The following OPCML variants were observed in gnomAD, a reference collection of about 807,000 sequenced individuals.
OPCML encodes opioid-binding protein/cell adhesion molecule.
OPCML carries 13 observed loss-of-function variants against 37.8 expected under a neutral mutation model. The observed-to-expected ratio is 0.34, with a 90% CI of 0.22 to 0.55. The LOEUF is 0.55. Ranked by LOEUF, OPCML falls within the 20% of genes least tolerant of loss-of-function variation. The pLI is 0.91. For missense variants in OPCML, 341 were observed against 435.6 expected (o/e 0.78, Z 1.93); for synonymous variants, 176 against 168.8 (o/e 1.04, Z -0.33).
intron 3 of OPCML, among the ~76,000 whole-genome samples, chr11:132,536,211 C>G (rs1452486283): frequency 6.6e-6 from 1 of 152,198 alleles, no homozygotes; most frequent in African/African-American, 2.4e-5. Flanking sequence ...CAAGGGCAGC[C>G]TTTCCCTCCA....
At position 132,840,420 on chromosome 11, in the gene OPCML, C is replaced by T. The variant is rs1941237515; in HGVS notation, c.146+102506G>A. On this transcript the variant is annotated intron_variant, in intron 2 of 7. Coordinates refer to ENST00000524381, the MANE Select transcript of OPCML (RefSeq NM_001012393.5). Reference sequence around the variant, plus strand: ...TGAGGTGGAAGGCGCTGGGCCCAGGCTTGCCAGTTCCCACTGGGCCCGTTT... The same window carrying T: ...TGAGGTGGAAGGCGCTGGGCCCAGGTTTGCCAGTTCCCACTGGGCCCGTTT... Among the ~76,000 whole-genome samples the T allele has an allele frequency of 2.0e-5, 3 of 152,288 alleles. No individual in the cohort carries two copies. In the South Asian group the frequency reaches 6.2e-4, roughly 32 times the overall value.
intron 1 of OPCML, among the ~76,000 whole-genome samples, chr11:133,145,038 T>A (rs1949878574): frequency 6.6e-6 from 1 of 152,172 alleles, no homozygotes; most frequent in Admixed American, 6.5e-5. Flanking sequence ...AGTCTTCAGG[T>A]GGCATGTGGG....
chr11:132,785,762 T>A (rs954137855), intron 2 of OPCML, among the ~76,000 whole-genome samples: 1 of 152,162 alleles, frequency 6.6e-6, no homozygotes, highest in Admixed American at 6.5e-5. Flanking sequence ...TTGAGGAGAA[T>A]GAGGCAGACA....
chr11:132,655,812 C>T (rs1392879747), intron 3 of OPCML, among the ~76,000 whole-genome samples: 2 of 151,818 alleles, frequency 1.3e-5, no homozygotes, highest in Non-Finnish European at 2.9e-5. Context: ...TAGACAGCCC[C>T]CACGCAACCT....
At chr11:132,765,974 G>A (rs77896831) in intron 2 of OPCML, among the ~76,000 whole-genome samples, 1,758 of 152,160 alleles carry the variant, frequency 0.012, 33 homozygotes, top group African/African-American at 0.039. Flanking sequence ...CATCAAAATA[G>A]CACAGGGCCA....
intron 1 of OPCML, among the ~76,000 whole-genome samples, chr11:133,196,022 G>T (rs761103047): frequency 3.3e-5 from 5 of 152,180 alleles, no homozygotes; most frequent in Admixed American, 6.5e-5. Flanking sequence ...ACTTTTGTTT[G>T]TTAAATTCCT....
chr11:132,599,047 A>G (rs562908121), intron 3 of OPCML, among the ~76,000 whole-genome samples: 1 of 152,256 alleles, frequency 6.6e-6, no homozygotes, highest in Admixed American at 6.5e-5. Context: ...TGGGAGGCCA[A>G]GTTGGTGGAT....
intron 2 of OPCML, among the ~76,000 whole-genome samples, chr11:132,842,056 T>C (rs539154873): frequency 6.6e-4 from 101 of 152,122 alleles, no homozygotes; most frequent in Non-Finnish European, 1.2e-3. Flanking sequence ...TCAGAAGCCA[T>C]GGAAATGGAG....
At chr11:132,721,204 T>G (rs141863062) in intron 2 of OPCML, among the ~76,000 whole-genome samples, 262 of 152,196 alleles carry the variant, frequency 1.7e-3, no homozygotes, top group Non-Finnish European at 2.8e-3. Flanking sequence ...CCAACTGGAG[T>G]GTGTGTCTTG....
chr11:132,540,975 C>T (rs1565649589), intron 3 of OPCML, among the ~76,000 whole-genome samples: 1 of 152,138 alleles, frequency 6.6e-6, no homozygotes, highest in Non-Finnish European at 1.5e-5. Flanking sequence ...CTTGTAGGCT[C>T]CCTGGAGAGT....
chr11:132,978,231 C>T (rs1199801546), intron 1 of OPCML, among the ~76,000 whole-genome samples: 2 of 152,086 alleles, frequency 1.3e-5, no homozygotes, highest in Non-Finnish European at 2.9e-5. Flanking sequence ...GTAGGAAAAT[C>T]GTTTGGACCA....
intron 1 of OPCML, among the ~76,000 whole-genome samples, chr11:133,488,871 A>G (rs1302215652): frequency 6.6e-6 from 1 of 151,492 alleles, no homozygotes; most frequent in African/African-American, 2.4e-5. Flanking sequence ...ACATAAAAAT[A>G]CACACATAGA....
At chr11:133,232,118 C>T (rs1241814644) in intron 1 of OPCML, among the ~76,000 whole-genome samples, 2 of 152,148 alleles carry the variant, frequency 1.3e-5, no homozygotes, top group Admixed American at 6.5e-5. Flanking sequence ...TCACCATATG[C>T]CCCCATAGCA....
intron 1 of OPCML, among the ~76,000 whole-genome samples, chr11:133,419,886 T>C (rs1022001579): frequency 2.6e-5 from 4 of 152,230 alleles, no homozygotes; most frequent in Non-Finnish European, 4.4e-5. Flanking sequence ...TACTCAGTCA[T>C]TGACAACAAA....
intron 1 of OPCML, among the ~76,000 whole-genome samples, chr11:133,242,170 G>T (rs1009514589): frequency 2.6e-5 from 4 of 152,182 alleles, no homozygotes; most frequent in Non-Finnish European, 4.4e-5. Flanking sequence ...CCTGTGTGCA[G>T]GGTCCCTTCA....
At chr11:132,707,942 G>GA (rs1944102957) in intron 2 of OPCML, among the ~76,000 whole-genome samples, 1 of 152,162 alleles carries the variant, frequency 6.6e-6, no homozygotes, top group Admixed American at 6.5e-5. Context: ...AATGGAAAAA[G>GA]AGTGTGTCAC....
At chr11:133,235,493 G>C (rs1180286176) in intron 1 of OPCML, among the ~76,000 whole-genome samples, 2 of 152,134 alleles carry the variant, frequency 1.3e-5, no homozygotes, top group Non-Finnish European at 2.9e-5. Context: ...AACTAGAAAG[G>C]AATCAAACAT....
intron 2 of OPCML, among the ~76,000 whole-genome samples, chr11:132,811,032 CTGTCAG>C (rs1003573869): frequency 5.9e-5 from 9 of 152,190 alleles, no homozygotes; most frequent in African/African-American, 2.2e-4. Context: ...GATCGGTTCA[CTGTCAG>C]TGTCAGAGAA....
intron 2 of OPCML, among the ~76,000 whole-genome samples, chr11:132,836,764 G>T (rs1236266130): frequency 6.6e-6 from 1 of 152,166 alleles, no homozygotes; most frequent in African/African-American, 2.4e-5. Context: ...ATTTATTTAA[G>T]CCCCAGCGGA....
Sources: gnomAD v4.1 joint callset for allele counts (sites outside exome capture counted in the v4.1 genomes callset) on GRCh38, gnomAD v4.1.1 for gene constraint, MANE v1.5 for transcripts, NCBI Gene and HGNC (gene_info 2026-07-23, HGNC 2026-07-21) for gene names.